Variants in ROBO1 observed in about 807,000 individuals in gnomAD.
The protein encoded by ROBO1 is roundabout homolog 1.
In ROBO1, 149 loss-of-function variants were observed where a neutral mutation model predicts 195.9. The ratio of observed to expected loss-of-function variants is 0.76; its 90% CI spans 0.67 to 0.87. The LOEUF (loss-of-function observed/expected upper bound fraction) is 0.87. Among genes scored for constraint, ROBO1 ranks in the 40% least tolerant of loss-of-function variants. ROBO1 has a pLI of 0.00. For missense variants in ROBO1, 1,933 were observed against 2,068.3 expected, an observed-to-expected ratio of 0.93 and a Z score of 1.27; for synonymous variants, 816 against 733.2, an observed-to-expected ratio of 1.11 and a Z score of -1.82.
At chr3:78,712,050 A>AAAAAAAAAAAT in intron 8 of ROBO1, among the ~76,000 whole-genome samples, 1 of 100,968 alleles carries the variant, frequency 9.9e-6, no homozygotes, top group Non-Finnish European at 2.1e-5. Flanking sequence ...AAAAAAAAAA[A>AAAAAAAAAAAT]CTCTCAAATC....
intron 3 of ROBO1, among the ~76,000 whole-genome samples, chr3:79,073,482 C>T (rs773227904): frequency 1.3e-5 from 2 of 151,686 alleles, no homozygotes; most frequent in Non-Finnish European, 2.9e-5. Flanking sequence ...GTTATATTTC[C>T]CAATTATCCC....
intron 1 of ROBO1, among the ~76,000 whole-genome samples, chr3:79,716,780 A>G (rs1187386864): frequency 6.6e-6 from 1 of 151,976 alleles, no homozygotes; most frequent in Non-Finnish European, 1.5e-5. Context: ...ATGCCAATAT[A>G]AGGACTAAAA....
At chr3:78,681,614 C>T (rs1038114801) in intron 10 of ROBO1, among the ~76,000 whole-genome samples, 21 of 152,084 alleles carry the variant, frequency 1.4e-4, no homozygotes, top group East Asian at 1.9e-4. Context: ...AGACTTAAGA[C>T]GGAGAAGCAG....
At chr3:79,012,408 T>C (rs1344140731) in intron 3 of ROBO1, among the ~76,000 whole-genome samples, 1 of 152,186 alleles carries the variant, frequency 6.6e-6, no homozygotes, top group African/African-American at 2.4e-5. Context: ...AGATAGACTA[T>C]TTAGTCTCAT....
At chr3:79,414,797 A>C (rs1017118097) in intron 2 of ROBO1, among the ~76,000 whole-genome samples, 1 of 152,170 alleles carries the variant, frequency 6.6e-6, no homozygotes, top group African/African-American at 2.4e-5. Flanking sequence ...TCAAATCTGC[A>C]ATTTTTTAAC....
At chr3:79,275,274 C>T (rs1481560081) in intron 2 of ROBO1, among the ~76,000 whole-genome samples, 1 of 151,926 alleles carries the variant, frequency 6.6e-6, no homozygotes, top group East Asian at 1.9e-4. Flanking sequence ...TATAAAAGAT[C>T]ATTCATCATG....
Position 79,105,829 on chromosome 3 carries a change from T to C in ROBO1, c.172+19627A>G, listed in dbSNP as rs2079768116. Among the ~76,000 whole-genome samples the C allele has an allele frequency of 3.3e-5, 5 of 151,884 alleles. No individual in the cohort carries two copies. The South Asian group carries it at 1.0e-3, about 31-fold the overall frequency. On this transcript the variant is annotated intron_variant, in intron 3 of 30. Coordinates refer to ENST00000464233, the MANE Select transcript of ROBO1 (RefSeq NM_002941.4). ...AACCAATTTCAGCGTAGTGTTGGTT[T>C]TGGCTACCAGTTGGTGTTTATGAAG...
chr3:78,931,802 C>T (rs1051537049), intron 4 of ROBO1, among the ~76,000 whole-genome samples: 2 of 151,952 alleles, frequency 1.3e-5, no homozygotes, highest in Non-Finnish European at 2.9e-5. Flanking sequence ...CCTGTCTCCA[C>T]AAAAAGTAAA....
chr3:79,178,122 A>G (rs2081286085), intron 2 of ROBO1, among the ~76,000 whole-genome samples: 1 of 152,226 alleles, frequency 6.6e-6, no homozygotes, highest in Admixed American at 6.5e-5. Context: ...ATGTATATCT[A>G]TCTATCTAAA....
intron 1 of ROBO1, among the ~76,000 whole-genome samples, chr3:79,706,188 T>C (rs1202685284): frequency 2.0e-5 from 3 of 152,244 alleles, no homozygotes; most frequent in East Asian, 1.9e-4. Flanking sequence ...AAGAATAATA[T>C]TGAAAAGAAG....
chr3:79,755,373 A>G (rs1704330350), intron 1 of ROBO1, among the ~76,000 whole-genome samples: 1 of 152,142 alleles, frequency 6.6e-6, no homozygotes, highest in African/African-American at 2.4e-5. Context: ...GCATCAAGCA[A>G]AAGAGTACAA....
intron 5 of ROBO1, among the ~76,000 whole-genome samples, chr3:78,720,799 G>A (rs1576017484): frequency 1.3e-5 from 2 of 152,214 alleles, no homozygotes; most frequent in African/African-American, 2.4e-5. Context: ...TTGTAGGGAC[G>A]TGGATGAAGC....
chr3:78,658,075 G>A (rs1370053762), intron 17 of ROBO1, among the ~76,000 whole-genome samples: 3 of 152,112 alleles, frequency 2.0e-5, no homozygotes, highest in Admixed American at 1.3e-4. Flanking sequence ...ATAACAAAGA[G>A]TTACCTGATT....
chr3:79,491,383 G>A (rs969476022), intron 2 of ROBO1, among the ~76,000 whole-genome samples: 16 of 152,198 alleles, frequency 1.1e-4, no homozygotes, highest in South Asian at 8.3e-4. Flanking sequence ...GCTGACAGTC[G>A]GGTTGTAAGA....
chr3:79,694,303 A>AC (rs1947379142), intron 1 of ROBO1, among the ~76,000 whole-genome samples: 1 of 134,698 alleles, frequency 7.4e-6, no homozygotes, highest in South Asian at 2.8e-4. Flanking sequence ...GCCACAGTTT[A>AC]CAAAAAAAAT....
chr3:79,212,005 C>CAAAGGGATGGGCCAAAAT (rs1199886181), intron 2 of ROBO1, among the ~76,000 whole-genome samples: 13 of 152,184 alleles, frequency 8.5e-5, no homozygotes, highest in South Asian at 4.1e-4. Flanking sequence ...TTACGGGAAA[C>CAAAGGGATGGGCCAAAAT]AAAGGGATGG....
In ROBO1 at chr3:78,598,946, T is replaced by C. The variant is rs368788697; in HGVS notation, c.4942-19A>G. 21 of 1,518,412 alleles carry C rather than the reference T, an allele frequency of 1.4e-5. No homozygotes were observed. Among genetic ancestry groups the C allele is most frequent in the Admixed American group, 1.8e-5 (1 of 55,064 alleles). 94.1% of individuals were successfully genotyped at this position (1,518,412 alleles called of 1,614,324 possible). A position where few individuals can be genotyped will look rare whatever the true frequency, so the allele number is the denominator to read the frequency against. Reference sequence around the variant, plus strand: ...CAGTTTCCTGTAAGAGATACGTTATTGTCACATTTGAAAATAAATCTTAAG... The same window carrying C: ...CAGTTTCCTGTAAGAGATACGTTATCGTCACATTTGAAAATAAATCTTAAG... On this transcript the variant is annotated intron_variant, in intron 30 of 30. Coordinates refer to ENST00000464233, the MANE Select transcript of ROBO1 (RefSeq NM_002941.4).
chr3:79,078,313 G>A (rs2079211182), intron 3 of ROBO1, among the ~76,000 whole-genome samples: 1 of 151,650 alleles, frequency 6.6e-6, no homozygotes, highest in South Asian at 2.1e-4. Flanking sequence ...ATTATTCTTG[G>A]ATATAAGATA....
At chr3:79,157,145 T>C (rs959980401) in intron 2 of ROBO1, among the ~76,000 whole-genome samples, 4 of 152,036 alleles carry the variant, frequency 2.6e-5, no homozygotes, top group East Asian at 1.9e-4. Context: ...TCTTTGCTTA[T>C]TTTGTTGCTG....
Sources: allele counts gnomAD v4.1 joint callset (sites outside exome capture counted in the v4.1 genomes callset), GRCh38; gene constraint gnomAD v4.1.1; transcripts MANE v1.5; gene names NCBI Gene and HGNC (gene_info 2026-07-23, HGNC 2026-07-21).